Variants in MYH14 observed in about 807,000 individuals in gnomAD.
The protein encoded by MYH14 is myosin heavy chain 14.
In MYH14, 123 loss-of-function variants were observed where a neutral mutation model predicts 255.5. The ratio of observed to expected loss-of-function variants is 0.48; its 90% CI spans 0.42 to 0.56. MYH14 has a LOEUF of 0.56. Ranked by LOEUF, MYH14 falls within the 20% of genes least tolerant of loss-of-function variation. MYH14 has a pLI of 0.00. For synonymous variants in MYH14, 1,095 were observed against 1,161.2 expected, an observed-to-expected ratio of 0.94 and a Z score of 1.16; for missense variants, 2,423 against 2,802.3, an observed-to-expected ratio of 0.86 and a Z score of 3.06.
At position 50,291,061 on chromosome 19, in the gene MYH14, G is replaced by A; in HGVS notation, c.5127+13G>A. The A allele has an allele frequency of 1.9e-6, 3 of 1,611,382 alleles. No homozygotes were observed. The highest frequency in any genetic ancestry group is 2.2e-5 in the East Asian group (1 of 44,846). On this transcript the variant is annotated intron_variant, in intron 36 of 42. Coordinates refer to ENST00000642316, the MANE Select transcript of MYH14 (RefSeq NM_001145809.2). ...TCGCAAGATGCAGGTAAGAGCCGGC[G>A]TGAGCTGCAGGGAGGGGAGGCTTTG...
intron 2 of MYH14, among the ~76,000 whole-genome samples, chr19:50,215,898 C>T (rs1260079897): frequency 6.6e-6 from 1 of 152,184 alleles, no homozygotes; most frequent in Non-Finnish European, 1.5e-5. Flanking sequence ...GAGTAGGTTA[C>T]CCTACTTTAT....
Position 50,280,021 on chromosome 19 carries a change from C to T in MYH14, c.4033-16C>T, listed in dbSNP as rs753418498. The stretch of plus-strand genomic sequence containing the variant: ...AGCCACGATTGGAGGGCTTCATTCC[C>T]GTCCCTTCCCTGCAGGCTGAACTGG... On this transcript the variant is annotated splice_polypyrimidine_tract_variant and intron_variant, in intron 30 of 42. Transcript: ENST00000642316. This position sits in a 1 kb window ranked among gnomAD's most constrained non-coding sequence, Gnocchi z 4.8. The T allele has an allele frequency of 2.3e-5, 37 of 1,589,112 alleles. No homozygotes were observed. The highest frequency in any genetic ancestry group is 1.7e-4 in the Middle Eastern group (1 of 6,032).
At chr19:50,246,909 TC>T in intron 11 of MYH14, 94 bp from the exon 12 acceptor site, 1 of 822,776 alleles carries the variant, frequency 1.2e-6, no homozygotes, top group South Asian at 1.6e-5. Flanking sequence ...CGTCTTCTGC[TC>T]CCCCAACAGT....
In MYH14 at chr19:50,230,752, G is replaced by C; in HGVS notation, c.973+129G>C. The stretch of plus-strand genomic sequence containing the variant: ...CCGTCAAACACCGACTTCGCATGAG[G>C]CTCCCGCAGCCCCTGCTCTCGCTGC... On this transcript the variant is annotated intron_variant, in intron 9 of 42. Coordinates refer to ENST00000642316, the MANE Select transcript of MYH14 (RefSeq NM_001145809.2). The surrounding 1 kb of genome is among the most constrained non-coding windows in gnomAD (Gnocchi z 4.7). 1 of 724,328 alleles carries C rather than the reference G, an allele frequency of 1.4e-6. No homozygotes were observed. The highest frequency in any genetic ancestry group is 2.3e-6 in the Non-Finnish European group (1 of 432,728). The allele number at this position is 724,328 out of a possible 1,614,324, so 44.9% of individuals were successfully genotyped here.
Position 50,268,018 on chromosome 19 carries a change from G to C in MYH14, c.2827-143G>C, listed in dbSNP as rs1455942432. The C allele has an allele frequency of 2.2e-5, 22 of 1,011,352 alleles. No homozygotes were observed. In the Middle Eastern group the frequency reaches 9.7e-4, roughly 45 times the overall value. 62.6% of individuals were successfully genotyped at this position (1,011,352 alleles called of 1,614,324 possible). On this transcript the variant is annotated intron_variant, in intron 23 of 42. Transcript: ENST00000642316. ...TGAGATGGGGACCTGAGGGGGAGGA[G>C]GTGGGGACACCGTGTCCTCCTGCCC...
chr19:50,273,484 G>A (rs2035389067), intron 27 of MYH14, among the ~76,000 whole-genome samples: 1 of 151,906 alleles, frequency 6.6e-6, no homozygotes, highest in South Asian at 2.1e-4. Flanking sequence ...TGTTTCAAAT[G>A]CTTTTTATGC....
intron 24 of MYH14, among the ~76,000 whole-genome samples, chr19:50,270,082 GTGTCACACACCTGTGGTGT>G (rs1488042432): frequency 6.6e-6 from 1 of 152,148 alleles, no homozygotes; most frequent in Non-Finnish European, 1.5e-5. Context: ...GCCAGGCATG[GTGTCACACACCTGTGGTGT>G]TGTCACACTA....
Position 50,290,978 on chromosome 19 carries a change from A to T in MYH14, c.5057A>T (p.Glu1686Val). Reference sequence around the variant, plus strand: ...AAGAAGCTGGAGGGAGAGCTGGAGGAGCTGAAGGCTCAGATGGCCTCTGCC... The same window carrying T: ...AAGAAGCTGGAGGGAGAGCTGGAGGTGCTGAAGGCTCAGATGGCCTCTGCC... ...ARKKLEGELE[E>V]LKAQMASAGQ... Residue 1686 changes from glutamate to valine, a missense_variant, in exon 36 of 43, where the codon GAG becomes GTG. Transcript: ENST00000642316. 1 of 1,609,184 alleles carries T rather than the reference A, an allele frequency of 6.2e-7. No individual in the cohort carries two copies. The highest frequency in any genetic ancestry group is 1.1e-5 in the South Asian group (1 of 89,694).
intron 1 of MYH14, among the ~76,000 whole-genome samples, chr19:50,207,966 C>A (rs573768030): frequency 2.0e-5 from 3 of 152,294 alleles, no homozygotes; most frequent in South Asian, 4.1e-4. Flanking sequence ...CTCCCAACAA[C>A]CCCCTTCCTC....
intron 30 of MYH14, among the ~76,000 whole-genome samples, chr19:50,278,766 G>C (rs1336408608): frequency 1.4e-5 from 2 of 146,930 alleles, no homozygotes; most frequent in African/African-American, 5.1e-5. Context: ...CCTGAAGTCA[G>C]AAGTTCGAGA....
At chr19:50,268,453 T>G in intron 24 of MYH14, 86 bp downstream of exon 24, 1 of 1,390,218 alleles carries the variant, frequency 7.2e-7, no homozygotes, top group South Asian at 1.3e-5. Flanking sequence ...CCGTGTGTCT[T>G]TGGGCCATGA....
Position 50,280,392 on chromosome 19 carries a change from C to G in MYH14, c.4290+9C>G. 6.6e-7 allele frequency: 1 copy of G among 1,524,308 alleles called. No individual in the cohort carries two copies. Among genetic ancestry groups the G allele is most frequent in the Non-Finnish European group, 8.8e-7 (1 of 1,130,712 alleles). 94.4% of individuals were successfully genotyped at this position (1,524,308 alleles called of 1,614,324 possible). A position where few individuals can be genotyped will look rare whatever the true frequency, so the allele number is the denominator to read the frequency against. On this transcript the variant is annotated intron_variant, in intron 32 of 42. Coordinates refer to ENST00000642316, the MANE Select transcript of MYH14 (RefSeq NM_001145809.2). The surrounding 1 kb of genome is among the most constrained non-coding windows in gnomAD (Gnocchi z 4.8). Reference sequence around the variant, plus strand: ...AGACTGCCCAGGCCCAGGTGAGCAGCCCTACGTAAGACCTTCAGGGAGGCA... The same window carrying G: ...AGACTGCCCAGGCCCAGGTGAGCAGGCCTACGTAAGACCTTCAGGGAGGCA...
Position 50,309,123 on chromosome 19 carries a change from CAG to C in MYH14, c.5909_5910del (p.Glu1970ValfsTer8). On this transcript the variant is annotated frameshift_variant, in exon 42 of 43. Transcript: ENST00000642316. LOFTEE classifies it high-confidence loss of function. ...CTGCAGCGTGAGCTGGAAGATGTCACAGAGTCGGCCGAGTCCATGAACCGTGA... is the reference window on the plus strand; with the variant it reads ...CTGCAGCGTGAGCTGGAAGATGTCACAGTCGGCCGAGTCCATGAACCGTGA... 1 of 1,613,906 alleles carries C rather than the reference CAG, an allele frequency of 6.2e-7. No individual in the cohort carries two copies. Among genetic ancestry groups the C allele is most frequent in the Non-Finnish European group, 8.5e-7 (1 of 1,179,836 alleles).
At chr19:50,258,872 G>A (rs1048519850) in intron 18 of MYH14, 3 of 364,382 alleles carry the variant, frequency 8.2e-6, no homozygotes, top group South Asian at 1.1e-4. Context: ...CCCTCCCTGC[G>A]GATCTTTTCT....
chr19:50,294,248 A>G (rs2036185250), intron 39 of MYH14, among the ~76,000 whole-genome samples: 1 of 152,066 alleles, frequency 6.6e-6, no homozygotes, highest in African/African-American at 2.4e-5. Context: ...AAACACGGGC[A>G]CTGTGGGAAC....
intron 18 of MYH14, chr19:50,258,818 C>T (rs528522253): frequency 3.7e-6 from 1 of 273,652 alleles, no homozygotes; most frequent in Non-Finnish European, 6.8e-6. Flanking sequence ...TCCCAGGAGG[C>T]CTTTTGGCGA....
At chr19:50,251,541 C>CATATATATAT (rs1568500601) in intron 15 of MYH14, among the ~76,000 whole-genome samples, 1 of 145,488 alleles carries the variant, frequency 6.9e-6, no homozygotes, top group Non-Finnish European at 1.5e-5. Flanking sequence ...CACACACACA[C>CATATATATAT]ACACACACAC....
intron 40 of MYH14, among the ~76,000 whole-genome samples, chr19:50,303,066 T>C (rs2161378): frequency 0.55 from 83,660 of 152,028 alleles, 23,372 homozygotes; most frequent in African/African-American, 0.61. Context: ...TGCCAGTTAG[T>C]TATAGCTGAA....
intron 10 of MYH14, among the ~76,000 whole-genome samples, chr19:50,242,537 A>C (rs1454333462): frequency 6.6e-6 from 1 of 152,218 alleles, no homozygotes; most frequent in African/African-American, 2.4e-5. Context: ...AACAGCCCCC[A>C]AGATTCAGTT....
Sources: allele counts gnomAD v4.1 joint callset (sites outside exome capture counted in the v4.1 genomes callset), GRCh38; gene constraint gnomAD v4.1.1; non-coding constraint Gnocchi (gnomAD v3.1); transcripts MANE v1.5; gene names NCBI Gene and HGNC (gene_info 2026-07-23, HGNC 2026-07-21).